CIRSR: variants seen among roughly 807,000 people sequenced by gnomAD.
CIRSR encodes the protein CBF1 (RBPJ) interacting corepressor 1.
At chr2:174,376,801 G>GAAAAAAAA in the CIRSR span, among the ~76,000 whole-genome samples, 3 of 106,944 alleles carry the variant, frequency 2.8e-5, no homozygotes, top group Non-Finnish European at 3.7e-5. Flanking sequence ...CTGTCTCAGG[G>GAAAAAAAA]AAAAAAAAAA....
chr2:174,348,650 TTG>T, the CIRSR span: 25 of 1,614,232 alleles, frequency 1.5e-5, no homozygotes, highest in Non-Finnish European at 2.1e-5. Context: ...TTGTCTCCCT[TTG>T]CTTGTAACTA....
chr2:174,374,669 G>A, the CIRSR span, among the ~76,000 whole-genome samples: 1 of 152,220 alleles, frequency 6.6e-6, no homozygotes, highest in Non-Finnish European at 1.5e-5. Context: ...AAGATGCCTG[G>A]CTGTAAACCT....
At chr2:174,375,030 C>T in the CIRSR span, among the ~76,000 whole-genome samples, 70 of 152,280 alleles carry the variant, frequency 4.6e-4, no homozygotes, top group African/African-American at 1.5e-3. Context: ...TTTTGGTATT[C>T]TGTTCCTAGA....
At chr2:174,350,254 T>C in the CIRSR span, among the ~76,000 whole-genome samples, 67 of 152,192 alleles carry the variant, frequency 4.4e-4, no homozygotes, top group Non-Finnish European at 8.5e-4. Flanking sequence ...GTAGTCTGTT[T>C]AACAAAATTC....
chr2:174,365,220 A>C, the CIRSR span, among the ~76,000 whole-genome samples: 14 of 152,308 alleles, frequency 9.2e-5, no homozygotes, highest in African/African-American at 3.1e-4. Context: ...AAAACACAAG[A>C]GTCACCTTTG....
chr2:174,392,091 G>A, the CIRSR span, among the ~76,000 whole-genome samples: 3 of 152,082 alleles, frequency 2.0e-5, no homozygotes, highest in South Asian at 6.2e-4. Flanking sequence ...TCCGCCTCCC[G>A]GGTTCATGCG....
the CIRSR span, among the ~76,000 whole-genome samples, chr2:174,367,745 TAA>T: frequency 1.6e-4 from 11 of 70,834 alleles, no homozygotes; most frequent in African/African-American, 1.2e-4. Context: ...TGCTGTCTCT[TAA>T]AAAAAAAAAA....
the CIRSR span, among the ~76,000 whole-genome samples, chr2:174,372,895 AATATT>A: frequency 6.6e-6 from 1 of 152,080 alleles, no homozygotes; most frequent in Non-Finnish European, 1.5e-5. Flanking sequence ...CTTTTACTGT[AATATT>A]ATATACAATC....
At chr2:174,395,666 A>C in the CIRSR span, 2 of 1,614,020 alleles carry the variant, frequency 1.2e-6, no homozygotes, top group Non-Finnish European at 1.7e-6. Context: ...ATCTGTTAGC[A>C]ACGTAAACAA....
chr2:174,387,633 A>C, the CIRSR span: 1 of 1,526,070 alleles, frequency 6.6e-7, no homozygotes, highest in East Asian at 2.4e-5. Flanking sequence ...GTAGGAAATT[A>C]TTCCCATGAA....
the CIRSR span, among the ~76,000 whole-genome samples, chr2:174,394,274 T>C: frequency 6.6e-6 from 1 of 152,226 alleles, no homozygotes; most frequent in Non-Finnish European, 1.5e-5. Flanking sequence ...AGCAAGCACC[T>C]GAATTCCATC....
At chr2:174,387,824 A>G in the CIRSR span, 46 of 1,492,294 alleles carry the variant, frequency 3.1e-5, no homozygotes, top group Admixed American at 9.2e-4. Context: ...TTGGATTTAA[A>G]TTAAACAAAC....
the CIRSR span, among the ~76,000 whole-genome samples, chr2:174,370,304 C>A: frequency 2.0e-5 from 3 of 152,192 alleles, no homozygotes; most frequent in Admixed American, 2.0e-4. Context: ...CCCCTCTCAG[C>A]CTCCCAAAGT....
chr2:174,368,392 T>C, the CIRSR span, among the ~76,000 whole-genome samples: 3 of 152,164 alleles, frequency 2.0e-5, no homozygotes, highest in Non-Finnish European at 4.4e-5. Flanking sequence ...CATAATGGAA[T>C]TCAACCAGAA....
the CIRSR span, among the ~76,000 whole-genome samples, chr2:174,349,608 A>G: frequency 6.6e-6 from 1 of 151,318 alleles, no homozygotes; most frequent in Non-Finnish European, 1.5e-5. Flanking sequence ...CCATATATGA[A>G]CGCATTGTTT....
chr2:174,394,220 A>C, the CIRSR span, among the ~76,000 whole-genome samples: 1 of 152,248 alleles, frequency 6.6e-6, no homozygotes, highest in African/African-American at 2.4e-5. Flanking sequence ...GTAAAAAATT[A>C]TGATTTCTCA....
the CIRSR span, among the ~76,000 whole-genome samples, chr2:174,354,409 TTA>T: frequency 5.4e-5 from 5 of 91,760 alleles, no homozygotes; most frequent in East Asian, 2.8e-4. Flanking sequence ...ATTTTATATA[TTA>T]TATATAATAT....
At chr2:174,357,589 T>C in the CIRSR span, among the ~76,000 whole-genome samples, 1 of 152,196 alleles carries the variant, frequency 6.6e-6, no homozygotes, top group Admixed American at 6.5e-5. Context: ...TAAAGTTAAA[T>C]TGGCTATATC....
chr2:174,384,174 G>C, the CIRSR span, among the ~76,000 whole-genome samples: 2 of 152,164 alleles, frequency 1.3e-5, no homozygotes, highest in African/African-American at 2.4e-5. Context: ...ACATACAAAA[G>C]AGAATTATTC....
Sources: gnomAD v4.1 joint callset for allele counts (sites outside exome capture counted in the v4.1 genomes callset) on GRCh38, gnomAD v4.1.1 for gene constraint, MANE v1.5 for transcripts, NCBI Gene and HGNC (gene_info 2026-07-23, HGNC 2026-07-21) for gene names.